AVEN: variants seen among roughly 807,000 people sequenced by gnomAD.
The protein encoded by AVEN is cell death regulator Aven.
AVEN carries 41 observed loss-of-function variants against 38.1 expected under a neutral mutation model. That is an observed-to-expected ratio of 1.08 (90% confidence interval 0.84 to 1.40). The LOEUF is 1.40. Ranked by LOEUF, AVEN falls within the 40% of genes most tolerant of loss-of-function variation. The probability of loss-of-function intolerance (pLI) is 0.00; values close to 1 mark genes in which losing one functional copy is unlikely to be tolerated. For missense variants in AVEN, 605 were observed against 438.8 expected (o/e 1.38, Z -3.38); for synonymous variants, 206 against 171.8 (o/e 1.20, Z -1.56).
chr15:33,876,548 G>C (rs1302632414), intron 2 of AVEN, among the ~76,000 whole-genome samples: 3 of 151,906 alleles, frequency 2.0e-5, no homozygotes, highest in Non-Finnish European at 2.9e-5. Flanking sequence ...CTCCAGCCTG[G>C]GTGACAGAGT....
chr15:33,871,554 G>C (rs1013144036), intron 3 of AVEN, among the ~76,000 whole-genome samples: 1 of 151,782 alleles, frequency 6.6e-6, no homozygotes, highest in African/African-American at 2.4e-5. Flanking sequence ...AGCAACAAGA[G>C]TGAAACTCCA....
At chr15:34,013,670 T>C (rs1238820665) in intron 1 of AVEN, among the ~76,000 whole-genome samples, 1 of 152,068 alleles carries the variant, frequency 6.6e-6, no homozygotes, top group Non-Finnish European at 1.5e-5. Context: ...TAAACATATA[T>C]AGTGTGATAT....
chr15:33,867,415 G>A (rs965714558), intron 5 of AVEN, 80 bp downstream of exon 5: 3 of 1,504,896 alleles, frequency 2.0e-6, no homozygotes, highest in Admixed American at 4.4e-5. Context: ...AGAGGGATGT[G>A]TGCGGATGTG....
At chr15:33,915,146 G>C (rs1021826414) in intron 2 of AVEN, among the ~76,000 whole-genome samples, 11 of 152,130 alleles carry the variant, frequency 7.2e-5, no homozygotes, top group African/African-American at 2.4e-4. Flanking sequence ...AGGGGAGATG[G>C]GGGAAAATGG....
intron 2 of AVEN, among the ~76,000 whole-genome samples, chr15:33,910,379 A>G (rs922603176): frequency 6.6e-6 from 1 of 152,200 alleles, no homozygotes; most frequent in African/African-American, 2.4e-5. Context: ...AATAATACAA[A>G]GCAAACACAT....
At chr15:34,016,134 G>A (rs1897898288) in intron 1 of AVEN, among the ~76,000 whole-genome samples, 1 of 152,130 alleles carries the variant, frequency 6.6e-6, no homozygotes, top group East Asian at 1.9e-4. Context: ...AAATTAGCTG[G>A]GCATGGTGGT....
chr15:33,889,577 A>G lies in AVEN; in HGVS notation c.446-13582T>C, dbSNP rs191686552. ...CCCCCTCCTATTCAACCCAATGGAC[A>G]TGAAATATGTTTCTGCACAAAAAAA... On this transcript the variant is annotated intron_variant, in intron 2 of 5. Coordinates refer to ENST00000306730, the MANE Select transcript of AVEN (RefSeq NM_020371.3). Among the ~76,000 whole-genome samples, 24 of 116,238 alleles carry G rather than the reference A, an allele frequency of 2.1e-4. No homozygotes were observed. The Middle Eastern group carries it at 0.016, about 76-fold the overall frequency. 76.3% of individuals were successfully genotyped at this position (116,238 alleles called of 152,430 possible).
chr15:34,068,301 C>T (rs114265960), intron 2 of AVEN, among the ~76,000 whole-genome samples: 2,120 of 151,358 alleles, frequency 0.014, 60 homozygotes, highest in African/African-American at 0.048. Flanking sequence ...TTCGACCTCC[C>T]AGACTCAAGT....
In AVEN at chr15:34,010,378, T is replaced by C. The variant is rs566009505; in HGVS notation, c.268-7169A>G. Reference sequence around the variant, plus strand: ...AGAGAATACTTACAGATTATCTCTATCACCAAGAGCCTTCAGATGAGCCAG... The same window carrying C: ...AGAGAATACTTACAGATTATCTCTACCACCAAGAGCCTTCAGATGAGCCAG... On this transcript the variant is annotated intron_variant, in intron 1 of 5. Coordinates refer to ENST00000306730, the MANE Select transcript of AVEN (RefSeq NM_020371.3). Among the ~76,000 whole-genome samples, 5 of 152,286 alleles carry C rather than the reference T, an allele frequency of 3.3e-5. No homozygotes were observed. The South Asian group carries it at 1.0e-3, about 32-fold the overall frequency.
At chr15:34,017,475 TTTTTTTTTG>T (rs1897969415) in intron 1 of AVEN, among the ~76,000 whole-genome samples, 2 of 35,282 alleles carry the variant, frequency 5.7e-5, no homozygotes, top group Admixed American at 5.6e-4. Context: ...TCAGTATGAT[TTTTTTTTTG>T]TTTTTTTTTT....
At chr15:33,873,453 GAAC>G (rs1289536607) in intron 3 of AVEN, among the ~76,000 whole-genome samples, 2 of 147,708 alleles carry the variant, frequency 1.4e-5, no homozygotes, top group Non-Finnish European at 3.0e-5. Flanking sequence ...ATGGTATAAG[GAAC>G]AACAAATTAC....
At chr15:33,988,560 A>G (rs1896581329) in intron 2 of AVEN, among the ~76,000 whole-genome samples, 1 of 152,210 alleles carries the variant, frequency 6.6e-6, no homozygotes, top group Non-Finnish European at 1.5e-5. Context: ...GATGACCGCC[A>G]TCAGCTTGTT....
In AVEN at chr15:33,866,541, G is replaced by A. The variant is rs1890529442; in HGVS notation, c.*72C>T. The A allele has an allele frequency of 3.4e-6, 4 of 1,164,522 alleles. No individual in the cohort carries two copies. Among genetic ancestry groups the A allele is most frequent in the Non-Finnish European group, 5.1e-6 (4 of 785,074 alleles). 72.1% of individuals were successfully genotyped at this position (1,164,522 alleles called of 1,614,324 possible). On this transcript the variant is annotated 3_prime_UTR_variant, in exon 6 of 6. Transcript: ENST00000306730. ...ACATGCTTGTAAACTGGCTGGTCCTGAAGGACAGCCTTATGCCCACCTGCC... is the reference window on the plus strand; with the variant it reads ...ACATGCTTGTAAACTGGCTGGTCCTAAAGGACAGCCTTATGCCCACCTGCC...
chr15:33,989,049 T>G (rs908818664), intron 2 of AVEN, among the ~76,000 whole-genome samples: 3 of 46,800 alleles, frequency 6.4e-5, no homozygotes, highest in African/African-American at 2.5e-4. Flanking sequence ...AAACCTTTCA[T>G]CATAAATCCT....
chr15:34,009,255 A>G (rs758353471), intron 1 of AVEN, among the ~76,000 whole-genome samples: 6 of 152,228 alleles, frequency 3.9e-5, no homozygotes, highest in African/African-American at 1.4e-4. Flanking sequence ...TACAAGATAC[A>G]CTAACAAAGT....
At position 34,017,497 on chromosome 15, in the gene AVEN, T is replaced by G. The variant is rs2684955; in HGVS notation, c.268-14288A>C. 8.7e-4 allele frequency among the ~76,000 whole-genome samples: 116 copies of G among 133,338 alleles called. 1 individual carries two copies. Among genetic ancestry groups the G allele is most frequent in the Non-Finnish European group, 9.8e-4 (59 of 60,328 alleles). The allele number at this position is 133,338 out of a possible 152,430, so 87.5% of individuals were successfully genotyped here. On this transcript the variant is annotated intron_variant, in intron 1 of 5. Coordinates refer to ENST00000306730, the MANE Select transcript of AVEN (RefSeq NM_020371.3). ...GATTTTTTTTTTGTTTTTTTTTTTT[T>G]TTTGAGACAGGGTCTTGCTATGTCA...
At chr15:33,918,988 T>A (rs1268459878) in intron 2 of AVEN, among the ~76,000 whole-genome samples, 1 of 150,456 alleles carries the variant, frequency 6.6e-6, no homozygotes, top group Non-Finnish European at 1.5e-5. Flanking sequence ...TGGTGTGATC[T>A]CAGCTCACTG....
In AVEN at chr15:33,933,524, C is replaced by CACACACAG. The variant is rs1893945145; in HGVS notation, c.446-57530_446-57529insCTGTGTGT. On this transcript the variant is annotated intron_variant, in intron 2 of 5. Transcript: ENST00000306730. Reference sequence around the variant, plus strand: ...ACACACACACACACACACACACACACAGAGAGAGAGAGAGAGAGAGAGAGA... The same window carrying CACACACAG: ...ACACACACACACACACACACACACACACACACAGAGAGAGAGAGAGAGAGAGAGAGAGA... Among the ~76,000 whole-genome samples the CACACACAG allele has an allele frequency of 2.8e-3, 131 of 46,628 alleles. 1 individual carries two copies. The highest frequency in any genetic ancestry group is 4.9e-3 in the Non-Finnish European group (109 of 22,440). The allele number at this position is 46,628 out of a possible 152,430, so 30.6% of individuals were successfully genotyped here.
chr15:34,023,313 T>A (rs1167033184), intron 1 of AVEN, among the ~76,000 whole-genome samples: 1 of 152,242 alleles, frequency 6.6e-6, no homozygotes, highest in African/African-American at 2.4e-5. Context: ...ATCTGCCCAC[T>A]GAGTTTGGTT....
Sources: allele counts gnomAD v4.1 joint callset (sites outside exome capture counted in the v4.1 genomes callset), GRCh38; gene constraint gnomAD v4.1.1; transcripts MANE v1.5; gene names NCBI Gene and HGNC (gene_info 2026-07-23, HGNC 2026-07-21).